The following CPA6 variants were observed in gnomAD, a reference collection of about 807,000 sequenced individuals.
CPA6 encodes the protein carboxypeptidase B.
Under a neutral mutation model 63.3 loss-of-function variants are expected in CPA6, and 58 were observed. That is an observed-to-expected ratio of 0.92 (90% CI 0.74 to 1.14). The LOEUF is 1.14. Ranked by LOEUF, CPA6 falls within the 50% of genes most tolerant of loss-of-function variation. CPA6 has a pLI of 0.00. For synonymous variants in CPA6, 185 were observed against 179.0 expected, an observed-to-expected ratio of 1.03 and a Z score of -0.27; for missense variants, 565 against 526.6, an observed-to-expected ratio of 1.07 and a Z score of -0.71.
At chr8:67,737,706 G>T (rs1817840704) in intron 1 of CPA6, among the ~76,000 whole-genome samples, 2 of 152,190 alleles carry the variant, frequency 1.3e-5, no homozygotes, top group African/African-American at 4.8e-5. Context: ...AATATTTATA[G>T]ACATGAAATG....
chr8:67,511,541 T>C lies in CPA6; in HGVS notation c.432A>G (p.Glu144=), dbSNP rs1185360688. The change falls in exon 4 of 11, where the codon GAA becomes GAG. Residue 144 remains glutamate, a splice_region_variant and synonymous_variant. Coordinates refer to ENST00000297770, the MANE Select transcript of CPA6 (RefSeq NM_020361.5). Reference sequence around the variant, plus strand: ...AGAAAAAGCTCTTTTGATTACATACTTCTTCTAAGGAGTGATAAACTTCAT... The same window carrying C: ...AGAAAAAGCTCTTTTGATTACATACCTCTTCTAAGGAGTGATAAACTTCAT... ...YNYEVYHSLE[E]IQNWMHHLNK... is the part of the protein sequence containing the mutation. The C allele has an allele frequency of 3.2e-6, 5 of 1,544,162 alleles. No homozygotes were observed. Among genetic ancestry groups the C allele is most frequent in the Non-Finnish European group, 4.5e-6 (5 of 1,117,590 alleles).
At chr8:67,621,564 G>A (rs927481766) in intron 2 of CPA6, among the ~76,000 whole-genome samples, 2 of 152,208 alleles carry the variant, frequency 1.3e-5, no homozygotes, top group African/African-American at 4.8e-5. Context: ...GCTTGGGCAA[G>A]TTACTTAACT....
chr8:67,558,676 C>A (rs1444813098), intron 2 of CPA6, among the ~76,000 whole-genome samples: 2 of 152,052 alleles, frequency 1.3e-5, no homozygotes, highest in Admixed American at 1.3e-4. Flanking sequence ...GAGGGCTAAG[C>A]ATAGTTTTGC....
At chr8:67,735,116 T>C (rs1252932604) in intron 1 of CPA6, 2 of 151,860 alleles carry the variant, frequency 1.3e-5, no homozygotes, top group African/African-American at 2.4e-5. Flanking sequence ...GCAGGAAGAG[T>C]GTGTTGACCT....
intron 2 of CPA6, among the ~76,000 whole-genome samples, chr8:67,554,740 G>T (rs1813022254): frequency 6.6e-6 from 1 of 152,192 alleles, no homozygotes; most frequent in Non-Finnish European, 1.5e-5. Flanking sequence ...AAAGCCTGAA[G>T]AATCTGGAGT....
intron 8 of CPA6, among the ~76,000 whole-genome samples, chr8:67,473,385 T>C (rs568283782): frequency 1.0e-3 from 156 of 152,250 alleles, no homozygotes; most frequent in Middle Eastern, 3.4e-3. Flanking sequence ...CAAATTAGCA[T>C]GGTAGATGGC....
At chr8:67,615,210 G>C (rs535748236) in intron 2 of CPA6, among the ~76,000 whole-genome samples, 1 of 152,168 alleles carries the variant, frequency 6.6e-6, no homozygotes, top group Admixed American at 6.5e-5. Flanking sequence ...AAAATGAAAT[G>C]GTTGAAAATA....
At chr8:67,738,104 A>C (rs970651536) in intron 1 of CPA6, among the ~76,000 whole-genome samples, 1 of 152,206 alleles carries the variant, frequency 6.6e-6, no homozygotes, top group Non-Finnish European at 1.5e-5. Context: ...TCAAAAAAAA[A>C]CAAGTGAAAG....
intron 2 of CPA6, among the ~76,000 whole-genome samples, chr8:67,573,987 G>A (rs1332861836): frequency 6.7e-6 from 1 of 148,722 alleles, no homozygotes. Flanking sequence ...TGTTCTGGAA[G>A]AATTAATACT....
chr8:67,517,229 T>C (rs189248220), intron 3 of CPA6, among the ~76,000 whole-genome samples: 3 of 152,324 alleles, frequency 2.0e-5, no homozygotes, highest in African/African-American at 7.2e-5. Context: ...ACTTCTTCCT[T>C]TACTACTTAC....
chr8:67,534,649 T>A (rs1275156918), intron 2 of CPA6, among the ~76,000 whole-genome samples: 1 of 152,190 alleles, frequency 6.6e-6, no homozygotes, highest in Non-Finnish European at 1.5e-5. Context: ...TGCACTGCCT[T>A]CCCCTTATCC....
intron 1 of CPA6, among the ~76,000 whole-genome samples, chr8:67,733,532 C>T (rs1001419420): frequency 5.9e-5 from 9 of 152,128 alleles, no homozygotes; most frequent in Admixed American, 2.0e-4. Context: ...ATTTTATCTC[C>T]GCTCAGAGTC....
intron 1 of CPA6, among the ~76,000 whole-genome samples, chr8:67,629,284 T>C (rs903144534): frequency 6.6e-6 from 1 of 151,728 alleles, no homozygotes; most frequent in Non-Finnish European, 1.5e-5. Flanking sequence ...CTGGACAACA[T>C]AGTGAGACCC....
rs190462999 is a variant in CPA6, at chr8:67,623,498, A to G, written c.192+678T>C. On this transcript the variant is annotated intron_variant, in intron 2 of 10. Coordinates refer to ENST00000297770, the MANE Select transcript of CPA6 (RefSeq NM_020361.5). ...GAGCAAGACCCTGTCTCAAAAAAAGAGATACTAGACCTCACTGCAACCTCC... is the reference window on the plus strand; with the variant it reads ...GAGCAAGACCCTGTCTCAAAAAAAGGGATACTAGACCTCACTGCAACCTCC... Among the ~76,000 whole-genome samples the G allele has an allele frequency of 1.0e-3, 159 of 152,154 alleles. 3 individuals are homozygous for G. Among genetic ancestry groups the G allele is most frequent in the Admixed American group, 8.0e-3 (123 of 15,280 alleles).
At chr8:67,454,476 A>G (rs1049554801) in intron 8 of CPA6, among the ~76,000 whole-genome samples, 5 of 152,224 alleles carry the variant, frequency 3.3e-5, no homozygotes, top group Non-Finnish European at 5.9e-5. Context: ...ATTTCAAGGG[A>G]ACAAGCAAAA....
chr8:67,592,607 T>C (rs1814163236), intron 2 of CPA6, among the ~76,000 whole-genome samples: 1 of 151,936 alleles, frequency 6.6e-6, no homozygotes, highest in African/African-American at 2.4e-5. Context: ...CTTCCTGGTT[T>C]AGTCTTGGGA....
At chr8:67,538,228 C>T (rs1812629565) in intron 2 of CPA6, among the ~76,000 whole-genome samples, 1 of 152,136 alleles carries the variant, frequency 6.6e-6, no homozygotes, top group Non-Finnish European at 1.5e-5. Flanking sequence ...GAGTTCAAAT[C>T]CTGAATATCC....
intron 2 of CPA6, among the ~76,000 whole-genome samples, chr8:67,550,797 G>T (rs1812921778): frequency 1.3e-5 from 2 of 152,118 alleles, no homozygotes; most frequent in South Asian, 4.1e-4. Context: ...TAGTGATGTG[G>T]AGCATTTTTT....
chr8:67,700,900 A>G (rs1368492307), intron 1 of CPA6, among the ~76,000 whole-genome samples: 4 of 152,176 alleles, frequency 2.6e-5, no homozygotes, highest in African/African-American at 9.7e-5. Flanking sequence ...ATTTATTTCC[A>G]TATTCTCCAA....
Sources: gnomAD v4.1 joint callset for allele counts (sites outside exome capture counted in the v4.1 genomes callset) on GRCh38, gnomAD v4.1.1 for gene constraint, MANE v1.5 for transcripts, NCBI Gene and HGNC (gene_info 2026-07-23, HGNC 2026-07-21) for gene names.